NEK4: variants seen among roughly 807,000 people sequenced by gnomAD.
The protein encoded by NEK4 is serine/threonine-protein kinase Nek4.
In NEK4, 86 loss-of-function variants were observed where a neutral mutation model predicts 98.4. The observed-to-expected ratio is 0.87, with a 90% CI of 0.73 to 1.05. The LOEUF is 1.05. Ranked by LOEUF, NEK4 falls within the 50% of genes least tolerant of loss-of-function variation. The pLI, the probability that NEK4 is intolerant of heterozygous loss-of-function variation, is 0.00. For synonymous variants in NEK4, 328 were observed against 342.2 expected (o/e 0.96, Z 0.46); for missense variants, 898 against 950.3 (o/e 0.94, Z 0.72).
At chr3:52,714,362 G>A (rs1310164479) in intron 15 of NEK4, among the ~76,000 whole-genome samples, 1 of 152,368 alleles carries the variant, frequency 6.6e-6, no homozygotes, top group East Asian at 1.9e-4. Context: ...CGGAGCAGCC[G>A]CTACCATCGC....
chr3:52,733,693 T>C (rs1413829347), intron 15 of NEK4: 7 of 447,038 alleles, frequency 1.6e-5, no homozygotes, highest in Non-Finnish European at 2.7e-5. Context: ...ACAAATATAG[T>C]GAATGCGGCA....
chr3:52,741,541 C>T (rs1414002252), intron 12 of NEK4, 42 bp from the exon 13 acceptor site: 1 of 1,253,318 alleles, frequency 8.0e-7, no homozygotes, highest in African/African-American at 1.5e-5. Flanking sequence ...CATGACAACA[C>T]AACCAGAATG....
In NEK4 at chr3:52,708,749, A is replaced by T. The variant is rs1463133224; in HGVS notation, c.*3028T>A. On this transcript the variant is annotated 3_prime_UTR_variant, in exon 16 of 16. Transcript: ENST00000233027. ...ACGGATCATGTACAAAGCAACAGGA[A>T]AAAAAAAACTGCAAGCAGTAAAGGT... 6.6e-6 allele frequency: 1 copy of T among 151,780 alleles called. No individual in the cohort carries two copies. The highest frequency in any genetic ancestry group is 1.5e-5 in the Non-Finnish European group (1 of 67,950). The allele number at this position is 151,780 out of a possible 1,614,324, so 9.4% of individuals were successfully genotyped here. A position where few individuals can be genotyped will look rare whatever the true frequency, so the allele number is the denominator to read the frequency against.
chr3:52,746,645 T>C (rs1179854970), intron 9 of NEK4, 89 bp downstream of exon 9: 2 of 1,180,800 alleles, frequency 1.7e-6, no homozygotes, highest in Non-Finnish European at 2.4e-6. Flanking sequence ...CTTGCATTTC[T>C]TACATGCCTT....
chr3:52,760,508 C>T (rs924001026), intron 6 of NEK4, among the ~76,000 whole-genome samples: 13 of 152,162 alleles, frequency 8.5e-5, no homozygotes, highest in East Asian at 1.9e-4. Flanking sequence ...TGAGCCACCG[C>T]GCTCAGCCTT....
intron 15 of NEK4, among the ~76,000 whole-genome samples, chr3:52,719,046 C>T (rs941490088): frequency 2.6e-5 from 4 of 152,222 alleles, no homozygotes; most frequent in Non-Finnish European, 5.9e-5. Flanking sequence ...GATGAGCCAT[C>T]GCGCCTGGCC....
intron 15 of NEK4, 131 bp downstream of exon 15, chr3:52,737,455 T>G: frequency 1.1e-6 from 1 of 936,146 alleles, no homozygotes; most frequent in Non-Finnish European, 1.7e-6. Flanking sequence ...TGTACAATGT[T>G]GTAAACACAT....
chr3:52,748,987 TAAG>T (rs1334933248), intron 8 of NEK4, among the ~76,000 whole-genome samples: 1 of 151,304 alleles, frequency 6.6e-6, no homozygotes, highest in Admixed American at 6.6e-5. Flanking sequence ...CTCGAGAGGG[TAAG>T]ATTGGAGGAT....
intron 15 of NEK4, among the ~76,000 whole-genome samples, chr3:52,726,890 C>A (rs1252558532): frequency 2.0e-5 from 3 of 151,542 alleles, no homozygotes; most frequent in Non-Finnish European, 2.9e-5. Flanking sequence ...GGTGACAGAG[C>A]GAGACTCCGT....
chr3:52,731,315 C>A (rs1163277194), intron 15 of NEK4, among the ~76,000 whole-genome samples: 1 of 152,132 alleles, frequency 6.6e-6, no homozygotes, highest in African/African-American at 2.4e-5. Context: ...AATTGACAAA[C>A]AAATTCTAAA....
At chr3:52,717,782 AATTATT>A (rs765388008) in intron 15 of NEK4, among the ~76,000 whole-genome samples, 4 of 151,588 alleles carry the variant, frequency 2.6e-5, no homozygotes, top group Non-Finnish European at 5.9e-5. Context: ...ACTTTAATTA[AATTATT>A]ATTATTATTA....
At chr3:52,760,734 T>G in intron 6 of NEK4, 61 bp downstream of exon 6, 1 of 1,139,584 alleles carries the variant, frequency 8.8e-7, no homozygotes. Flanking sequence ...ATAATTTGCT[T>G]AGATGGCCCA....
chr3:52,711,550 G>A lies in NEK4; in HGVS notation c.*227C>T. The A allele has an allele frequency of 2.7e-6, 1 of 370,632 alleles. No homozygotes were observed. 23.0% of individuals were successfully genotyped at this position (370,632 alleles called of 1,614,324 possible). A position where few individuals can be genotyped will look rare whatever the true frequency, so the allele number is the denominator to read the frequency against. ...CAGTAATCAAACAAACAACAGATTT[G>A]TCCTCACAAAGAGAATATGAAAGCC... On this transcript the variant is annotated 3_prime_UTR_variant, in exon 16 of 16. Coordinates refer to ENST00000233027, the MANE Select transcript of NEK4 (RefSeq NM_003157.6).
chr3:52,732,753 G>T, intron 15 of NEK4: 1 of 272,634 alleles, frequency 3.7e-6, no homozygotes, highest in South Asian at 5.5e-5. Context: ...TCTCCATGTT[G>T]GAGACAAAGC....
In NEK4 at chr3:52,766,873, C is replaced by A. The variant is rs1698582476; in HGVS notation, c.361-498G>T. ...CAGTGGCGGGCGCCTGTAGTCCCAG[C>A]TACTCGGGACGCTGAGGCAGGAGAA... On this transcript the variant is annotated intron_variant, in intron 2 of 15. Coordinates refer to ENST00000233027, the MANE Select transcript of NEK4 (RefSeq NM_003157.6). 2.6e-5 allele frequency among the ~76,000 whole-genome samples: 4 copies of A among 152,206 alleles called. No homozygotes were observed. The South Asian group carries it at 8.3e-4, about 32-fold the overall frequency.
chr3:52,717,201 G>A (rs1033873344), intron 15 of NEK4, among the ~76,000 whole-genome samples: 5 of 152,070 alleles, frequency 3.3e-5, no homozygotes, highest in Non-Finnish European at 5.9e-5. Context: ...GAGGTCAGGA[G>A]TTTGAGACCC....
chr3:52,714,689 G>A (rs900483562), intron 15 of NEK4, among the ~76,000 whole-genome samples: 2 of 152,192 alleles, frequency 1.3e-5, no homozygotes, highest in Admixed American at 1.3e-4. Context: ...GTGGTCGGGC[G>A]CAAAGGGGCA....
At chr3:52,725,622 T>C (rs181364756) in intron 15 of NEK4, among the ~76,000 whole-genome samples, 1 of 152,122 alleles carries the variant, frequency 6.6e-6, no homozygotes, top group East Asian at 1.9e-4. Flanking sequence ...GGTAGAGTTT[T>C]TGTATGTTAT....
intron 4 of NEK4, 74 bp downstream of exon 4, chr3:52,765,813 A>G (rs531272813): frequency 3.4e-6 from 3 of 880,752 alleles, no homozygotes; most frequent in African/African-American, 3.3e-5. Context: ...AAAATCATCA[A>G]TGATTTTGCT....
Sources: gnomAD v4.1 joint callset for allele counts (sites outside exome capture counted in the v4.1 genomes callset) on GRCh38, gnomAD v4.1.1 for gene constraint, MANE v1.5 for transcripts, NCBI Gene and HGNC (gene_info 2026-07-23, HGNC 2026-07-21) for gene names.